The following SNX24 variants were observed in gnomAD, a reference collection of about 807,000 sequenced individuals.
The protein encoded by SNX24 is sorting nexin-24.
A neutral mutation model predicts 28.7 loss-of-function variants in SNX24; 22 were observed. That is an observed-to-expected ratio of 0.77 (90% CI 0.55 to 1.10). SNX24 has a LOEUF of 1.10. Ranked by LOEUF, SNX24 falls within the 50% of genes least tolerant of loss-of-function variation. SNX24 has a pLI of 0.00. For synonymous variants in SNX24, 69 were observed against 71.5 expected (o/e 0.96, Z 0.18); for missense variants, 221 against 201.1 (o/e 1.10, Z -0.60).
intron 3 of SNX24, among the ~76,000 whole-genome samples, chr5:122,949,771 T>C (rs531574063): frequency 3.9e-5 from 6 of 152,322 alleles, no homozygotes; most frequent in African/African-American, 1.4e-4. Context: ...TTTTCCTACT[T>C]AAATTTTCAA....
At chr5:123,015,394 T>A (rs1445812353) in intron 5 of SNX24, among the ~76,000 whole-genome samples, 1 of 152,236 alleles carries the variant, frequency 6.6e-6, no homozygotes, top group East Asian at 1.9e-4. Context: ...CTGTGTATAG[T>A]TTGCTCACCA....
chr5:122,948,255 T>C (rs1166649888), intron 3 of SNX24, among the ~76,000 whole-genome samples: 2 of 152,158 alleles, frequency 1.3e-5, no homozygotes, highest in Non-Finnish European at 2.9e-5. Context: ...CAAGTCTCCT[T>C]AGAAGTAAGA....
At chr5:122,850,263 A>G (rs1160967081) in intron 1 of SNX24, among the ~76,000 whole-genome samples, 1 of 152,292 alleles carries the variant, frequency 6.6e-6, no homozygotes, top group Middle Eastern at 3.4e-3. Context: ...GTCCATTTCC[A>G]GGTTTGTAGG....
chr5:122,975,643 C>CAA (rs995149421), intron 3 of SNX24, among the ~76,000 whole-genome samples: 5 of 152,050 alleles, frequency 3.3e-5, no homozygotes, highest in African/African-American at 1.2e-4. Flanking sequence ...CTATGATATG[C>CAA]AAAGAGCTTT....
chr5:122,856,170 T>C (rs996067131), intron 1 of SNX24, among the ~76,000 whole-genome samples: 6 of 152,178 alleles, frequency 3.9e-5, no homozygotes, highest in African/African-American at 9.7e-5. Flanking sequence ...TCTGTATCCA[T>C]GTGCTCTTTT....
intron 3 of SNX24, among the ~76,000 whole-genome samples, chr5:122,988,481 C>A (rs1482936372): frequency 1.3e-5 from 2 of 152,080 alleles, no homozygotes. Flanking sequence ...TCTTGCTATC[C>A]CCCTTTAATT....
At chr5:122,900,277 A>G (rs756517876) in intron 1 of SNX24, among the ~76,000 whole-genome samples, 2 of 152,134 alleles carry the variant, frequency 1.3e-5, no homozygotes, top group African/African-American at 2.4e-5. Context: ...GATTACCACA[A>G]TCAAGCGAAT....
intron 3 of SNX24, among the ~76,000 whole-genome samples, chr5:122,956,367 T>TACACACAC (rs9327282): frequency 4.8e-5 from 7 of 147,248 alleles, no homozygotes; most frequent in Middle Eastern, 3.5e-3. Context: ...AAAAAATATA[T>TACACACAC]ACACACACAC....
At chr5:122,868,743 A>G (rs779865235) in intron 1 of SNX24, among the ~76,000 whole-genome samples, 20 of 152,160 alleles carry the variant, frequency 1.3e-4, no homozygotes, top group Non-Finnish European at 2.6e-4. Context: ...CGAGATTCAA[A>G]GAGGTCCACT....
intron 1 of SNX24, among the ~76,000 whole-genome samples, chr5:122,858,249 A>C (rs1755298132): frequency 6.6e-6 from 1 of 152,240 alleles, no homozygotes; most frequent in Non-Finnish European, 1.5e-5. Flanking sequence ...ATAAAATAAT[A>C]ATGGAAGAGT....
chr5:123,024,083 CA>C, intron 5 of SNX24: 1 of 1,499,784 alleles, frequency 6.7e-7, no homozygotes, highest in South Asian at 1.4e-5. Flanking sequence ...AAGCCAACTC[CA>C]AAAGCCCAAG....
rs576899958 is a variant in SNX24, at chr5:122,894,203, T to C, written c.61-42531T>C. ...GGTTTAAAACTATATAAAGATATTT[T>C]TGGAAAAGTCTTGGTCCCTTCCATT... On this transcript the variant is annotated intron_variant, in intron 1 of 6. Transcript: ENST00000261369. 7.9e-5 allele frequency among the ~76,000 whole-genome samples: 12 copies of C among 152,312 alleles called. No individual in the cohort carries two copies. In the South Asian group the frequency reaches 2.5e-3, roughly 32 times the overall value.
intron 1 of SNX24, chr5:122,890,892 T>C (rs575725784): frequency 1.1e-6 from 1 of 917,186 alleles, no homozygotes; most frequent in African/African-American, 1.7e-5. Context: ...TTTTGTACCT[T>C]TTCAGAAACA....
intron 3 of SNX24, among the ~76,000 whole-genome samples, chr5:122,972,298 G>T (rs933260697): frequency 1.3e-5 from 2 of 152,152 alleles, no homozygotes; most frequent in African/African-American, 4.8e-5. Context: ...CAAACATTTT[G>T]CTAGTGGGTC....
chr5:122,872,072 A>G (rs997778997), intron 1 of SNX24, among the ~76,000 whole-genome samples: 2 of 150,990 alleles, frequency 1.3e-5, no homozygotes, highest in African/African-American at 4.9e-5. Flanking sequence ...CATTTTTGCT[A>G]GTTGGAGTTA....
intron 1 of SNX24, among the ~76,000 whole-genome samples, chr5:122,878,673 C>T (rs751275552): frequency 1.2e-4 from 19 of 152,006 alleles, no homozygotes; most frequent in Non-Finnish European, 2.1e-4. Flanking sequence ...AGAGCAGTCC[C>T]GTAGAAATAT....
chr5:122,909,731 A>T (rs246287), intron 1 of SNX24, among the ~76,000 whole-genome samples: 117,232 of 152,176 alleles, frequency 0.77, 46,036 homozygotes, highest in East Asian at 0.99. Context: ...CATTGGCCAA[A>T]CTGTCTATCC....
At chr5:122,872,502 G>A (rs1415181116) in intron 1 of SNX24, among the ~76,000 whole-genome samples, 1 of 152,008 alleles carries the variant, frequency 6.6e-6, no homozygotes, top group African/African-American at 2.4e-5. Flanking sequence ...TGGGGGATTG[G>A]TTCCAGGACT....
At chr5:123,017,416 A>C (rs1762697786) in intron 5 of SNX24, among the ~76,000 whole-genome samples, 1 of 145,752 alleles carries the variant, frequency 6.9e-6, no homozygotes, top group Non-Finnish European at 1.5e-5. Flanking sequence ...TCAATTCAGA[A>C]AATAAAAAGT....
Sources: allele counts gnomAD v4.1 joint callset (sites outside exome capture counted in the v4.1 genomes callset), GRCh38; gene constraint gnomAD v4.1.1; transcripts MANE v1.5; gene names NCBI Gene and HGNC (gene_info 2026-07-23, HGNC 2026-07-21).